Variants in GRK3 observed in about 807,000 individuals in gnomAD.
GRK3 encodes G protein-coupled receptor kinase 3.
GRK3 carries 54 observed loss-of-function variants against 95.7 expected under a neutral mutation model. The ratio of observed to expected loss-of-function variants is 0.56; its 90% confidence interval spans 0.45 to 0.71. The LOEUF (loss-of-function observed/expected upper bound fraction) is 0.71, where lower values mean the gene tolerates loss of function less well. GRK3 is among the 30% of genes least tolerant of loss of function. GRK3 has a pLI of 0.00. For missense variants in GRK3, 649 were observed against 851.2 expected, an observed-to-expected ratio of 0.76 and a Z score of 2.96; for synonymous variants, 281 against 290.8, an observed-to-expected ratio of 0.97 and a Z score of 0.34.
rs1569178215 is a variant in GRK3, at chr22:25,647,038, A to AG, written c.264+2373_264+2374insG. 3.3e-5 allele frequency among the ~76,000 whole-genome samples: 5 copies of AG among 151,176 alleles called. No individual in the cohort carries two copies. The East Asian group carries it at 5.9e-4, about 18-fold the overall frequency. ...TTTGTCTCAAAAAAAAAAAAAAAAA[A>AG]AAAAAGAAAAAGAAAAAAAATGAAA... is the stretch of plus-strand genomic sequence containing the variant. On this transcript the variant is annotated intron_variant, in intron 3 of 20. Transcript: ENST00000324198.
intron 12 of GRK3, among the ~76,000 whole-genome samples, chr22:25,693,726 A>T (rs1489059510): frequency 6.7e-6 from 1 of 149,244 alleles, no homozygotes; most frequent in African/African-American, 2.4e-5. Flanking sequence ...AGGATCATTT[A>T]TTCTGAGTAG....
rs1238554474 is a variant in GRK3 at position 25,644,653 on chromosome 22, G to A, written c.252G>A (p.Lys84=). The change falls in exon 3 of 21, where the codon AAG becomes AAA. Residue 84 remains lysine, a synonymous_variant. Transcript: ENST00000324198. Reference sequence around the variant, plus strand: ...TTAATGAAGCTGTACCTCAGGTGAAGTTTTATGAAGAGGTAAGAAGTAACT... The same window carrying A: ...TTAATGAAGCTGTACCTCAGGTGAAATTTTATGAAGAGGTAAGAAGTAACT... ...NEINEAVPQV[K]FYEEIKEYEK... is the part of the protein sequence containing the mutation. The A allele has an allele frequency of 6.4e-7, 1 of 1,554,462 alleles. No homozygotes were observed. The highest frequency in any genetic ancestry group is 1.7e-5 in the Admixed American group (1 of 58,128).
chr22:25,702,212 T>C (rs191968619), intron 13 of GRK3, among the ~76,000 whole-genome samples: 169 of 152,252 alleles, frequency 1.1e-3, no homozygotes, highest in Non-Finnish European at 1.8e-3. Flanking sequence ...AATTAAAGTG[T>C]TTCAGACAAT....
At chr22:25,626,394 T>G (rs1448143691) in intron 2 of GRK3, among the ~76,000 whole-genome samples, 1 of 152,176 alleles carries the variant, frequency 6.6e-6, no homozygotes, top group Non-Finnish European at 1.5e-5. Flanking sequence ...GATCAGGGAA[T>G]AGCAGCTGTG....
intron 2 of GRK3, among the ~76,000 whole-genome samples, chr22:25,612,856 A>G (rs1012503933): frequency 2.0e-5 from 3 of 149,854 alleles, no homozygotes; most frequent in African/African-American, 4.9e-5. Flanking sequence ...AAGTTAAAAA[A>G]AAAAAAAATC....
intron 20 of GRK3, 53 bp from the exon 21 acceptor site, chr22:25,722,236 G>C: frequency 6.2e-7 from 1 of 1,600,374 alleles, no homozygotes; most frequent in African/African-American, 1.3e-5. Flanking sequence ...AGCCTCCGCT[G>C]TTGGCAAAAT....
intron 18 of GRK3, among the ~76,000 whole-genome samples, chr22:25,715,688 G>A (rs984414602): frequency 1.3e-5 from 2 of 152,058 alleles, no homozygotes; most frequent in African/African-American, 4.8e-5. Flanking sequence ...TATTGTAGTC[G>A]ATGATTATGT....
rs747361233 is a variant in GRK3 at position 25,718,377 on chromosome 22, C to G, written c.1787C>G (p.Ser596Cys). The change falls in exon 19 of 21, where the codon TCC becomes TGC. Residue 596 changes from serine (S) to cysteine (C), a missense_variant. By Grantham distance (112) the Ser-to-Cys change is moderately radical. Around this residue, in one of 3 missense-constraint regions of GRK3, gnomAD observed 382 missense variants for 493.8 expected, o/e 0.77. Coordinates refer to ENST00000324198, the MANE Select transcript of GRK3 (RefSeq NM_005160.4). ...CTTGAATGGAGAGGAGAGGGAGAGT[C>G]CCGGGTAAGTCTAAGGCAGCCTCAC... ...NRLEWRGEGESRQNLLTMEQI... is the reference protein window; with the variant it reads ...NRLEWRGEGECRQNLLTMEQI... The G allele has an allele frequency of 6.2e-7, 1 of 1,613,864 alleles. No individual in the cohort carries two copies. The highest frequency in any genetic ancestry group is 1.3e-5 in the African/African-American group (1 of 74,870).
At chr22:25,711,023 A>G (rs2085339765) in intron 16 of GRK3, 45 bp from the exon 17 acceptor site, 2 of 1,286,430 alleles carry the variant, frequency 1.6e-6, no homozygotes, top group Non-Finnish European at 2.2e-6. Flanking sequence ...GGACAGGGCC[A>G]TACGATCATC....
At chr22:25,618,237 G>T (rs2084554821) in intron 2 of GRK3, among the ~76,000 whole-genome samples, 1 of 152,180 alleles carries the variant, frequency 6.6e-6, no homozygotes. Flanking sequence ...TTTCTCTTTG[G>T]TAAATACCTG....
chr22:25,626,098 G>T (rs2084626058), intron 2 of GRK3, among the ~76,000 whole-genome samples: 1 of 152,144 alleles, frequency 6.6e-6, no homozygotes, highest in South Asian at 2.1e-4. Context: ...CGCACATGGG[G>T]AGAGACCCAC....
chr22:25,710,985 T>A, intron 16 of GRK3, 83 bp from the exon 17 acceptor site: 1 of 708,684 alleles, frequency 1.4e-6, no homozygotes. Flanking sequence ...TATCTCGCAC[T>A]GTGCTGTCTT....
chr22:25,648,515 C>G (rs1488557494), intron 3 of GRK3: 9 of 1,455,724 alleles, frequency 6.2e-6, no homozygotes, highest in African/African-American at 1.4e-5. Flanking sequence ...AAGTAGCAAT[C>G]AAAACACTAA....
rs959605415 is a variant in GRK3, at chr22:25,688,270, C to T, written c.957+603C>T. 1.1e-4 allele frequency among the ~76,000 whole-genome samples: 17 copies of T among 151,464 alleles called. No homozygotes were observed. The East Asian group carries it at 2.3e-3, about 21-fold the overall frequency. ...AAAAAAAAAAAAGCAGTTTAGGAGC[C>T]CTTTTGGTGTCACCCATTTCATAGT... On this transcript the variant is annotated intron_variant, in intron 11 of 20. Transcript: ENST00000324198.
intron 2 of GRK3, among the ~76,000 whole-genome samples, chr22:25,606,943 A>T (rs943589036): frequency 6.6e-5 from 10 of 152,232 alleles, no homozygotes; most frequent in Non-Finnish European, 1.3e-4. Context: ...TTAGCTGGTA[A>T]TACACATGAA....
At position 25,615,263 on chromosome 22, in the gene GRK3, T is replaced by C. The variant is rs544903955; in HGVS notation, c.190+10810T>C. Among the ~76,000 whole-genome samples, 32 of 152,232 alleles carry C rather than the reference T, an allele frequency of 2.1e-4. 1 individual carries two copies. Among genetic ancestry groups the C allele is most frequent in the African/African-American group, 6.0e-4 (25 of 41,552 alleles). On this transcript the variant is annotated intron_variant, in intron 2 of 20. Coordinates refer to ENST00000324198, the MANE Select transcript of GRK3 (RefSeq NM_005160.4). Reference sequence around the variant, plus strand: ...AATATTAGCAAATGTGGGATCTTAATTTATGTTGCTAGAGAATGCCAAGGA... The same window carrying C: ...AATATTAGCAAATGTGGGATCTTAACTTATGTTGCTAGAGAATGCCAAGGA...
chr22:25,602,214 A>G (rs1424700736), intron 1 of GRK3, among the ~76,000 whole-genome samples: 4 of 152,256 alleles, frequency 2.6e-5, no homozygotes, highest in Non-Finnish European at 5.9e-5. Context: ...ATGTACAAAC[A>G]TGCTCAACGT....
chr22:25,667,952 T>A, intron 6 of GRK3, 152 bp downstream of exon 6: 1 of 565,610 alleles, frequency 1.8e-6, no homozygotes, highest in Non-Finnish European at 3.2e-6. Flanking sequence ...TTAAACTGTT[T>A]CCTCAGTACT....
chr22:25,716,990 T>C (rs1198377220), intron 18 of GRK3, among the ~76,000 whole-genome samples: 1 of 152,196 alleles, frequency 6.6e-6, no homozygotes, highest in East Asian at 1.9e-4. Context: ...AGTAGCACAG[T>C]TTGAACCCAA....
Sources: gnomAD v4.1 joint callset for allele counts (sites outside exome capture counted in the v4.1 genomes callset) on GRCh38, gnomAD v4.1.1 for gene constraint, gnomAD v4.1.1 regional missense constraint, MANE v1.5 for transcripts, NCBI Gene and HGNC (gene_info 2026-07-23, HGNC 2026-07-21) for gene names.